Variants in TMEM140 observed in about 807,000 individuals in gnomAD.
TMEM140 encodes transmembrane protein 140.
For missense variants in TMEM140, 236 were observed against 228.5 expected, an observed-to-expected ratio of 1.03 and a Z score of -0.21; for synonymous variants, 107 against 106.8, an observed-to-expected ratio of 1.00 and a Z score of -0.01.
rs1421447480 is a variant in TMEM140 at position 135,166,131 on chromosome 7, T to TA, written c.*1133dup. 6.5e-6 allele frequency: 1 copy of TA among 153,014 alleles called. No homozygotes were observed. Among genetic ancestry groups the TA allele is most frequent in the East Asian group, 1.9e-4 (1 of 5,222 alleles). The allele number at this position is 153,014 out of a possible 1,614,324, so 9.5% of individuals were successfully genotyped here. A position where few individuals can be genotyped will look rare whatever the true frequency, so the allele number is the denominator to read the frequency against. On this transcript the variant is annotated 3_prime_UTR_variant, in exon 2 of 2. Coordinates refer to ENST00000275767, the MANE Select transcript of TMEM140 (RefSeq NM_018295.5). ...GGCTGGAGAGGTGGGAGCTCATTGA[T>TA]AGACTCATGATGGAAACTATTTTTG...
At chr7:135,152,957 C>T (rs943886742) in intron 1 of TMEM140, 2 of 152,114 alleles carry the variant, frequency 1.3e-5, no homozygotes, top group Admixed American at 6.5e-5. Flanking sequence ...GACTAATATC[C>T]AGAATCTACA....
chr7:135,165,822 T>A lies in TMEM140; in HGVS notation c.*823T>A, dbSNP rs1414983262. 1 of 167,262 alleles carries A rather than the reference T, an allele frequency of 6.0e-6. No homozygotes were observed. Among genetic ancestry groups the A allele is most frequent in the African/African-American group, 2.4e-5 (1 of 41,582 alleles). The allele number at this position is 167,262 out of a possible 1,614,324, so 10.4% of individuals were successfully genotyped here. On this transcript the variant is annotated 3_prime_UTR_variant, in exon 2 of 2. Coordinates refer to ENST00000275767, the MANE Select transcript of TMEM140 (RefSeq NM_018295.5). ...GTGTGTATTTTCTAGCACTTGTGTA[T>A]TGGAAAACCTGTATGGCAGTGATTT...
Position 135,164,599 on chromosome 7 carries a change from G to A in TMEM140, c.158G>A (p.Cys53Tyr). Residue 53 changes from cysteine (C) to tyrosine (Y), a missense_variant, in exon 2 of 2, where the codon TGC becomes TAC. Cys to Tyr is a radical substitution (Grantham distance 194). Transcript: ENST00000275767. ...CTGAGAATCGGCTTCTATAACTTCT[G>A]CCTGTGGAATGAGGACACCAGCACC... ...PNLRIGFYNFCLWNEDTSTLQ... is the reference protein window; with the variant it reads ...PNLRIGFYNFYLWNEDTSTLQ... 1 of 1,614,252 alleles carries A rather than the reference G, an allele frequency of 6.2e-7. No individual in the cohort carries two copies. Among genetic ancestry groups the A allele is most frequent in the Non-Finnish European group, 8.5e-7 (1 of 1,180,036 alleles).
rs1829674643 is a variant in TMEM140, at chr7:135,151,909, C to T, written c.-25+3639C>T. 6.6e-6 allele frequency among the ~76,000 whole-genome samples: 1 copy of T among 152,170 alleles called. No individual in the cohort carries two copies. Among genetic ancestry groups the T allele is most frequent in the Non-Finnish European group, 1.5e-5 (1 of 68,016 alleles). ...GCATCCTGGAGTCATCACAACCAAA[C>T]ATAAATGAGACCAGCTTCCTAGAGT... is the stretch of plus-strand genomic sequence containing the variant. On this transcript the variant is annotated intron_variant, in intron 1 of 1. Transcript: ENST00000275767. This position sits in a 1 kb window ranked among gnomAD's most constrained non-coding sequence, Gnocchi z 4.3.
At chr7:135,148,419 A>T in intron 1 of TMEM140, 149 bp downstream of exon 1, 4 of 304,688 alleles carry the variant, frequency 1.3e-5, no homozygotes, top group South Asian at 1.1e-4. Flanking sequence ...TCCCTCGCTC[A>T]TGTCTGTATA....
chr7:135,164,416 A>G lies in TMEM140; in HGVS notation c.-24-2A>G. Reference sequence around the variant, plus strand: ...GGACTGACTGCTGTGACTTCCCCGCAGGTCCCCCGGCAGAGGGCAGTAGAG... The same window carrying G: ...GGACTGACTGCTGTGACTTCCCCGCGGGTCCCCCGGCAGAGGGCAGTAGAG... On this transcript the variant is annotated splice_acceptor_variant, in intron 1 of 1. Transcript: ENST00000275767. LOFTEE classifies it low-confidence loss of function (5UTR_SPLICE). The G allele has an allele frequency of 6.3e-7, 1 of 1,582,294 alleles. No homozygotes were observed. Among genetic ancestry groups the G allele is most frequent in the Non-Finnish European group, 8.7e-7 (1 of 1,155,412 alleles).
intron 1 of TMEM140, among the ~76,000 whole-genome samples, chr7:135,153,986 T>A (rs1402322924): frequency 6.6e-6 from 1 of 152,208 alleles, no homozygotes; most frequent in African/African-American, 2.4e-5. Flanking sequence ...CTTGGGAGTT[T>A]TTTATTATTG....
In TMEM140 at chr7:135,164,719, T is replaced by C. The variant is rs1024820494; in HGVS notation, c.278T>C (p.Leu93Pro). The change falls in exon 2 of 2, where the codon CTC becomes CCC. Residue 93 changes from leucine (L) to proline (P), a missense_variant. Coordinates refer to ENST00000275767, the MANE Select transcript of TMEM140 (RefSeq NM_018295.5). ...ARLGVYGSLV[L>P]TLFAPQPLLL... is the part of the protein sequence containing the mutation. The stretch of plus-strand genomic sequence containing the variant: ...CTTGGCGTGTACGGGTCCCTGGTCC[T>C]CACCCTCTTTGCCCCCCAGCCTCTC... 1.3e-5 allele frequency: 21 copies of C among 1,614,114 alleles called. No homozygotes were observed. Among genetic ancestry groups the C allele is most frequent in the Non-Finnish European group, 1.7e-5 (20 of 1,180,028 alleles).
At position 135,164,537 on chromosome 7, in the gene TMEM140, T is replaced by C. The variant is rs766637077; in HGVS notation, c.96T>C (p.Leu32=). 63 of 1,614,028 alleles carry C rather than the reference T, an allele frequency of 3.9e-5. No homozygotes were observed. Among genetic ancestry groups the C allele is most frequent in the Non-Finnish European group, 5.3e-5 (63 of 1,179,990 alleles). Residue 32 remains leucine, a synonymous_variant, in exon 2 of 2, where the codon CTT becomes CTC. Coordinates refer to ENST00000275767, the MANE Select transcript of TMEM140 (RefSeq NM_018295.5). ...IVVICLMFYA[L]LWEAGNLTDL... ...TCATCTGCCTGATGTTTTACGCTCT[T>C]CTCTGGGAGGCTGGCAACCTCACTG...
chr7:135,150,474 G>C (rs549610370), intron 1 of TMEM140, among the ~76,000 whole-genome samples: 1 of 152,190 alleles, frequency 6.6e-6, no homozygotes, highest in Non-Finnish European at 1.5e-5. Flanking sequence ...TGATTCCCCA[G>C]GGCCTCTGAT....
At chr7:135,160,735 T>TA (rs11295955) in intron 1 of TMEM140, among the ~76,000 whole-genome samples, 86,750 of 145,246 alleles carry the variant, frequency 0.6, 26,378 homozygotes, top group East Asian at 0.78. Context: ...TTCGCTCATT[T>TA]AAAAAAAAAA....
rs292501 is a variant in TMEM140, at chr7:135,164,528, T to A, written c.87T>A (p.Phe29Leu). 1,589,544 of 1,614,190 alleles carry A rather than the reference T, an allele frequency of 0.98. 784,743 individuals carry two copies. Among genetic ancestry groups the A allele is most frequent in the Non-Finnish European group, 1 (1,178,143 of 1,180,036 alleles). Residue 29 changes from phenylalanine (F) to leucine (L), a missense_variant, in exon 2 of 2, where the codon TTT becomes TTA. Phe to Leu is a conservative substitution (Grantham distance 22). Coordinates refer to ENST00000275767, the MANE Select transcript of TMEM140 (RefSeq NM_018295.5). Reference protein sequence around the residue: ...VLVIVVICLMFYALLWEAGNL... With the variant: ...VLVIVVICLMLYALLWEAGNL... ...TGATTGTGGTCATCTGCCTGATGTT[T>A]TACGCTCTTCTCTGGGAGGCTGGCA...
At chr7:135,160,620 C>A (rs1829906455) in intron 1 of TMEM140, among the ~76,000 whole-genome samples, 1 of 152,116 alleles carries the variant, frequency 6.6e-6, no homozygotes, top group Admixed American at 6.5e-5. Flanking sequence ...GCTGAGCATG[C>A]ATACGACATT....
intron 1 of TMEM140, among the ~76,000 whole-genome samples, chr7:135,154,601 T>C (rs11971026): frequency 0.49 from 73,775 of 152,050 alleles, 18,257 homozygotes; most frequent in South Asian, 0.66. Context: ...AATTTCTTCA[T>C]TGACCCAGTA....
chr7:135,160,923 T>G (rs1448059280), intron 1 of TMEM140, among the ~76,000 whole-genome samples: 1 of 152,062 alleles, frequency 6.6e-6, no homozygotes, highest in East Asian at 1.9e-4. Context: ...GAAAGTAGAG[T>G]AGGACTCTAG....
At position 135,161,084 on chromosome 7, in the gene TMEM140, G is replaced by A. The variant is rs892683398; in HGVS notation, c.-24-3334G>A. On this transcript the variant is annotated intron_variant, in intron 1 of 1. Coordinates refer to ENST00000275767, the MANE Select transcript of TMEM140 (RefSeq NM_018295.5). This position sits in a 1 kb window ranked among gnomAD's most constrained non-coding sequence, Gnocchi z 4.1. ...AAGTTCCAAGTCGCACCAGATGATGGCGAGCCTCATAAGAGCTGGGACTGA... is the reference window on the plus strand; with the variant it reads ...AAGTTCCAAGTCGCACCAGATGATGACGAGCCTCATAAGAGCTGGGACTGA... 1.3e-5 allele frequency among the ~76,000 whole-genome samples: 2 copies of A among 152,306 alleles called. No individual in the cohort carries two copies. Among genetic ancestry groups the A allele is most frequent in the South Asian group, 4.1e-4 (2 of 4,830 alleles).
intron 1 of TMEM140, among the ~76,000 whole-genome samples, chr7:135,163,993 C>T (rs1459744077): frequency 6.6e-6 from 1 of 152,244 alleles, no homozygotes; most frequent in African/African-American, 2.4e-5. Context: ...GTGGTGAAAA[C>T]CAATAGCTTC....
intron 1 of TMEM140, among the ~76,000 whole-genome samples, chr7:135,152,622 AATT>A (rs1365219006): frequency 2.6e-5 from 4 of 152,308 alleles, no homozygotes; most frequent in African/African-American, 9.6e-5. Context: ...GTCTGTTTTT[AATT>A]ATTAATAAGT....
chr7:135,155,340 G>C (rs549976037), intron 1 of TMEM140, among the ~76,000 whole-genome samples: 1 of 152,280 alleles, frequency 6.6e-6, no homozygotes, highest in African/African-American at 2.4e-5. Flanking sequence ...GGTTAATATG[G>C]ATCTGTGAGA....
Sources: allele counts gnomAD v4.1 joint callset (sites outside exome capture counted in the v4.1 genomes callset), GRCh38; gene constraint gnomAD v4.1.1; non-coding constraint Gnocchi (gnomAD v3.1); transcripts MANE v1.5; gene names NCBI Gene and HGNC (gene_info 2026-07-23, HGNC 2026-07-21).